PPFIBP1: variants seen among roughly 807,000 people sequenced by gnomAD.
PPFIBP1 encodes the protein PPFIB scaffold protein 1.
PPFIBP1 carries 112 observed loss-of-function variants against 137.8 expected under a neutral mutation model. That is an observed-to-expected ratio of 0.81 (90% CI 0.70 to 0.95). The LOEUF (loss-of-function observed/expected upper bound fraction) is 0.95. Among genes scored for constraint, PPFIBP1 ranks in the 40% least tolerant of loss-of-function variants. The probability of loss-of-function intolerance (pLI) is 0.00; values close to 1 mark genes in which losing one functional copy is unlikely to be tolerated. For synonymous variants in PPFIBP1, 378 were observed against 417.3 expected (o/e 0.91, Z 1.15); for missense variants, 1,083 against 1,196.6 (o/e 0.91, Z 1.40).
intron 18 of PPFIBP1, 87 bp downstream of exon 18, chr12:27,676,686 T>G: frequency 7.9e-7 from 1 of 1,258,444 alleles, no homozygotes; most frequent in Admixed American, 2.3e-5. Flanking sequence ...TTTCATTCAT[T>G]GATTCATTTC....
intron 2 of PPFIBP1, among the ~76,000 whole-genome samples, chr12:27,591,460 G>T (rs1592686374): frequency 6.6e-6 from 1 of 152,152 alleles, no homozygotes; most frequent in Non-Finnish European, 1.5e-5. Flanking sequence ...GGAATGGATT[G>T]GGAGAGGACT....
chr12:27,583,522 G>C (rs762386004), intron 2 of PPFIBP1, among the ~76,000 whole-genome samples: 1 of 151,816 alleles, frequency 6.6e-6, no homozygotes, highest in Non-Finnish European at 1.5e-5. Flanking sequence ...TGGGATTTTT[G>C]GTTCTTCATG....
intron 2 of PPFIBP1, among the ~76,000 whole-genome samples, chr12:27,580,903 A>T (rs73078243): frequency 6.7e-6 from 1 of 150,068 alleles, no homozygotes; most frequent in African/African-American, 2.5e-5. Context: ...TTTATACATT[A>T]TACTCTTTTT....
At chr12:27,534,090 T>C (rs368889279) in intron 1 of PPFIBP1, among the ~76,000 whole-genome samples, 2 of 151,864 alleles carry the variant, frequency 1.3e-5, no homozygotes, top group African/African-American at 4.8e-5. Flanking sequence ...GAGAGAGACA[T>C]GGTAGATAGC....
In PPFIBP1 at chr12:27,688,312, A is replaced by G. The variant is rs765292038; in HGVS notation, c.2385A>G (p.Pro795=). The change falls in exon 26 of 30, where the codon CCA becomes CCG. Residue 795 remains proline, a synonymous_variant. Transcript: ENST00000228425. ...RRPSDENTIA[P]SEVQKWTNHR... ...TGTTCCCATAGAATACCATCGCCCC[A>G]TCAGAAGTTCAGAAGTGGACTAACC... 1.2e-6 allele frequency: 2 copies of G among 1,614,032 alleles called. No individual in the cohort carries two copies. Among genetic ancestry groups the G allele is most frequent in the South Asian group, 1.1e-5 (1 of 91,052 alleles).
intron 24 of PPFIBP1, among the ~76,000 whole-genome samples, chr12:27,683,857 G>A (rs940943269): frequency 4.0e-5 from 6 of 151,728 alleles, no homozygotes; most frequent in African/African-American, 7.3e-5. Context: ...GTGCGATCTC[G>A]GCTCACTGCA....
intron 2 of PPFIBP1, chr12:27,594,167 C>T: frequency 2.6e-6 from 1 of 381,868 alleles, no homozygotes. Flanking sequence ...TATCCATCCC[C>T]TTTTCTATTT....
chr12:27,527,033 C>T (rs1486663238), intron 1 of PPFIBP1, among the ~76,000 whole-genome samples: 2 of 152,102 alleles, frequency 1.3e-5, no homozygotes, highest in African/African-American at 4.8e-5. Context: ...CCCTGTTCCA[C>T]CGTGAGATAA....
chr12:27,558,487 C>CCCACACACACACACAAACAT (rs2048887093), intron 1 of PPFIBP1, among the ~76,000 whole-genome samples: 1 of 112,604 alleles, frequency 8.9e-6, no homozygotes, highest in African/African-American at 3.6e-5. Context: ...CACACACACA[C>CCCACACACACACACAAACAT]ACACACACGA....
intron 2 of PPFIBP1, among the ~76,000 whole-genome samples, chr12:27,624,178 G>A (rs1206577979): frequency 6.6e-6 from 1 of 152,126 alleles, no homozygotes; most frequent in Non-Finnish European, 1.5e-5. Context: ...ATGGTGGGAG[G>A]CCGGCAGTCC....
intron 1 of PPFIBP1, among the ~76,000 whole-genome samples, chr12:27,551,283 C>T (rs1465909174): frequency 6.6e-6 from 1 of 152,074 alleles, no homozygotes; most frequent in Non-Finnish European, 1.5e-5. Flanking sequence ...CCAAAGTGGA[C>T]GGCACCTAAA....
chr12:27,670,499 G>A lies in PPFIBP1; in HGVS notation c.1147-932G>A, dbSNP rs376385919. ...AATTAAAGTAAAAATGGAGCTTTTC[G>A]CTGGGCACAGTGGCTCATGCCTGTA... On this transcript the variant is annotated intron_variant, in intron 13 of 29. Transcript: ENST00000228425. 3.3e-5 allele frequency among the ~76,000 whole-genome samples: 5 copies of A among 152,218 alleles called. No individual in the cohort carries two copies. In the South Asian group the frequency reaches 6.2e-4, roughly 19 times the overall value.
chr12:27,530,192 AAT>A (rs1443652896), intron 1 of PPFIBP1, among the ~76,000 whole-genome samples: 1 of 152,310 alleles, frequency 6.6e-6, no homozygotes, highest in East Asian at 1.9e-4. Context: ...CACAGTATAG[AAT>A]TTTCTTTTGT....
intron 26 of PPFIBP1, 102 bp downstream of exon 26, chr12:27,688,525 A>G: frequency 7.2e-7 from 1 of 1,381,568 alleles, no homozygotes; most frequent in African/African-American, 1.4e-5. Flanking sequence ...AAGTCATCTG[A>G]CTCAACCCTC....
At chr12:27,556,774 C>T (rs1165676973) in intron 1 of PPFIBP1, among the ~76,000 whole-genome samples, 4 of 152,172 alleles carry the variant, frequency 2.6e-5, no homozygotes, top group African/African-American at 9.7e-5. Context: ...GTCATCTCAC[C>T]TGTCTGCTTT....
chr12:27,542,372 C>A (rs1263109053), intron 1 of PPFIBP1, among the ~76,000 whole-genome samples: 1 of 152,134 alleles, frequency 6.6e-6, no homozygotes, highest in Non-Finnish European at 1.5e-5. Context: ...GAAACCAATT[C>A]CCCATGGATA....
At chr12:27,619,789 CTG>C (rs760822945) in intron 2 of PPFIBP1, among the ~76,000 whole-genome samples, 12 of 152,158 alleles carry the variant, frequency 7.9e-5, no homozygotes, top group African/African-American at 1.2e-4. Flanking sequence ...ACACATCAAA[CTG>C]TGCAGTAAAG....
intron 11 of PPFIBP1, among the ~76,000 whole-genome samples, chr12:27,661,948 C>T (rs572384860): frequency 1.1e-4 from 17 of 152,090 alleles, no homozygotes; most frequent in Non-Finnish European, 2.1e-4. Flanking sequence ...AAGCTGCCCA[C>T]TGTAACTTTT....
At position 27,635,075 on chromosome 12, in the gene PPFIBP1, C is replaced by T; in HGVS notation, c.230C>T (p.Ser77Leu). 6.2e-7 allele frequency: 1 copy of T among 1,614,194 alleles called. No individual in the cohort carries two copies. Among genetic ancestry groups the T allele is most frequent in the Non-Finnish European group, 8.5e-7 (1 of 1,179,998 alleles). Residue 77 changes from serine to leucine, a missense_variant, in exon 4 of 30, where the codon TCA becomes TTA. By Grantham distance (145) the Ser-to-Leu change is moderately radical. Coordinates refer to ENST00000228425, the MANE Select transcript of PPFIBP1 (RefSeq NM_003622.4). ...GGCTTGAGATGCCAGATCCCAGATT[C>T]AACAGCAGAAACGCTTGTTGAATGG... ...KEGLRCQIPD[S>L]TAETLVEWLQ... is the part of the protein sequence containing the mutation.
Sources: gnomAD v4.1 joint callset for allele counts (sites outside exome capture counted in the v4.1 genomes callset) on GRCh38, gnomAD v4.1.1 for gene constraint, MANE v1.5 for transcripts, NCBI Gene and HGNC (gene_info 2026-07-23, HGNC 2026-07-21) for gene names.